Variants in OPA1 observed in about 807,000 individuals in gnomAD.
OPA1 encodes OPA1 mitochondrial dynamin like GTPase, also known as dynamin-like GTPase OPA1, mitochondrial.
Under a neutral mutation model 152.9 loss-of-function variants are expected in OPA1, and 59 were observed. That is an observed-to-expected ratio of 0.39 (90% CI 0.31 to 0.48). The LOEUF is 0.48. Ranked by LOEUF, OPA1 falls within the 20% of genes least tolerant of loss-of-function variation. The pLI is 0.96. For missense variants in OPA1, 1,008 were observed against 1,216.8 expected, an observed-to-expected ratio of 0.83 and a Z score of 2.55; for synonymous variants, 400 against 389.9, an observed-to-expected ratio of 1.03 and a Z score of -0.31.
chr3:193,619,025 T>C lies in OPA1; in HGVS notation c.678+89T>C, dbSNP rs1577169763. On this transcript the variant is annotated intron_variant, in intron 6 of 30. Transcript: ENST00000361510. ...TTTGGAAGATTTTAAAATGATAACA[T>C]CTGAGAAGCAAATACAAAAACATCC... 12 of 1,028,214 alleles carry C rather than the reference T, an allele frequency of 1.2e-5. No individual in the cohort carries two copies. The East Asian group carries it at 2.4e-4, about 21-fold the overall frequency. 63.7% of individuals were successfully genotyped at this position (1,028,214 alleles called of 1,614,324 possible).
chr3:193,676,492 A>T (rs1045376068), intron 29 of OPA1, among the ~76,000 whole-genome samples: 12 of 152,192 alleles, frequency 7.9e-5, no homozygotes, highest in Admixed American at 1.3e-4. Flanking sequence ...ACAAACAAAA[A>T]AACCTGAGTT....
intron 11 of OPA1, among the ~76,000 whole-genome samples, chr3:193,642,077 C>T (rs552126247): frequency 7.9e-5 from 12 of 152,352 alleles, no homozygotes; most frequent in East Asian, 7.7e-4. Flanking sequence ...GATCATGCCA[C>T]TGCACTTCAG....
intron 6 of OPA1, among the ~76,000 whole-genome samples, chr3:193,625,809 TA>T (rs1223046196): frequency 6.6e-6 from 1 of 152,128 alleles, no homozygotes; most frequent in East Asian, 1.9e-4. Flanking sequence ...TTTTTCTCCA[TA>T]TTTTTTATAT....
At chr3:193,692,183 A>G in intron 30 of OPA1, 51 bp downstream of exon 30, 1 of 946,526 alleles carries the variant, frequency 1.1e-6, no homozygotes. Context: ...ACAAAATTAC[A>G]CTTTTCTTAA....
At chr3:193,674,155 A>G (rs1248709825) in intron 29 of OPA1, among the ~76,000 whole-genome samples, 1 of 152,192 alleles carries the variant, frequency 6.6e-6, no homozygotes, top group East Asian at 1.9e-4. Context: ...TTCTCTTGGG[A>G]GTAGACAATG....
At chr3:193,641,154 T>C (rs1733727336) in intron 11 of OPA1, among the ~76,000 whole-genome samples, 2 of 152,236 alleles carry the variant, frequency 1.3e-5, no homozygotes, top group Admixed American at 1.3e-4. Context: ...ACATTGTTAC[T>C]AGCATCCTAA....
At chr3:193,659,729 A>T (rs975456680) in intron 25 of OPA1, among the ~76,000 whole-genome samples, 168 bp downstream of exon 25, 1 of 152,350 alleles carries the variant, frequency 6.6e-6, no homozygotes, top group Non-Finnish European at 1.5e-5. Flanking sequence ...AATAAACTAC[A>T]TAAGAAAGTT....
At position 193,688,449 on chromosome 3, in the gene OPA1, C is replaced by CTTTTTTTTTTTTTTTTTTTTTTT. The variant is rs766448341; in HGVS notation, c.2984-3589_2984-3567dup. Among the ~76,000 whole-genome samples, 8 of 63,358 alleles carry CTTTTTTTTTTTTTTTTTTTTTTT rather than the reference C, an allele frequency of 1.3e-4. 3 individuals carry two copies. Among genetic ancestry groups the CTTTTTTTTTTTTTTTTTTTTTTT allele is most frequent in the East Asian group, 1.1e-3 (2 of 1,750 alleles). The allele number at this position is 63,358 out of a possible 152,430, so 41.6% of individuals were successfully genotyped here. A position where few individuals can be genotyped will look rare whatever the true frequency, so the allele number is the denominator to read the frequency against. On this transcript the variant is annotated intron_variant, in intron 29 of 30. Transcript: ENST00000361510. The stretch of plus-strand genomic sequence containing the variant: ...TGATTTTTACTGAAATGGGTCTTTT[C>CTTTTTTTTTTTTTTTTTTTTTTT]TTTTTTTTTTTTTTTTTTTTTTTTT...
chr3:193,639,580 G>T (rs1053955667), intron 11 of OPA1, among the ~76,000 whole-genome samples: 3 of 152,182 alleles, frequency 2.0e-5, no homozygotes, highest in African/African-American at 7.2e-5. Context: ...GCTAGCCATG[G>T]TCGGGGCAAA....
chr3:193,660,701 ATTT>A, intron 25 of OPA1, among the ~76,000 whole-genome samples: 1 of 145,654 alleles, frequency 6.9e-6, no homozygotes, highest in Non-Finnish European at 1.5e-5. Context: ...TTTCTTTACT[ATTT>A]TTTTTTTTGG....
At chr3:193,641,964 A>G (rs1733843837) in intron 11 of OPA1, among the ~76,000 whole-genome samples, 1 of 152,148 alleles carries the variant, frequency 6.6e-6, no homozygotes, top group Admixed American at 6.5e-5. Context: ...AAAGTACAAA[A>G]AACTTGCCAG....
At chr3:193,619,039 A>G in intron 6 of OPA1, 103 bp downstream of exon 6, 3 of 897,988 alleles carry the variant, frequency 3.3e-6, no homozygotes, top group Non-Finnish European at 5.6e-6. Context: ...AGAAGCAAAT[A>G]CAAAAACATC....
Position 193,658,996 on chromosome 3 carries a change from G to A in OPA1, c.2440+1G>A. Reference sequence around the variant, plus strand: ...GCTCTGCAGGCTCGTCTCAAGGATAGTAAGTGGAGACACGGCTTATTGAGT... The same window carrying A: ...GCTCTGCAGGCTCGTCTCAAGGATAATAAGTGGAGACACGGCTTATTGAGT... On this transcript the variant is annotated splice_donor_variant, in intron 24 of 30. Coordinates refer to ENST00000361510, the MANE Select transcript of OPA1 (RefSeq NM_130837.3). LOFTEE classifies it high-confidence loss of function. 6.3e-7 allele frequency: 1 copy of A among 1,595,864 alleles called. No individual in the cohort carries two copies. The highest frequency in any genetic ancestry group is 8.6e-7 in the Non-Finnish European group (1 of 1,163,424).
At chr3:193,595,380 T>C (rs1725327093) in intron 1 of OPA1, among the ~76,000 whole-genome samples, 2 of 152,254 alleles carry the variant, frequency 1.3e-5, no homozygotes, top group Admixed American at 6.5e-5. Context: ...GGAAATGATA[T>C]ATTGATTAAA....
At position 193,654,935 on chromosome 3, in the gene OPA1, G is replaced by A; in HGVS notation, c.2086G>A (p.Ala696Thr). 6.2e-7 allele frequency: 1 copy of A among 1,613,952 alleles called. No individual in the cohort carries two copies. The highest frequency in any genetic ancestry group is 2.2e-5 in the East Asian group (1 of 44,830). Residue 696 changes from alanine to threonine, a missense_variant, in exon 22 of 31, where the codon GCG becomes ACG. Around this residue, in one of 7 missense-constraint regions of OPA1, gnomAD observed 229 missense variants for 269.0 expected, o/e 0.85. Coordinates refer to ENST00000361510, the MANE Select transcript of OPA1 (RefSeq NM_130837.3). ...GATTGAAAACATCTACCTTCCAGCT[G>A]CGCAGACCATGAATTCAGGAACTTT... ...HVIENIYLPA[A>T]QTMNSGTFNT...
chr3:193,599,851 G>A (rs909960810), intron 1 of OPA1, among the ~76,000 whole-genome samples: 4 of 152,184 alleles, frequency 2.6e-5, no homozygotes, highest in African/African-American at 7.2e-5. Context: ...GGGGTGCCTC[G>A]TGGTCAGAAC....
intron 16 of OPA1, 22 bp downstream of exon 16, chr3:193,644,127 C>A: frequency 6.2e-7 from 1 of 1,610,726 alleles, no homozygotes; most frequent in Non-Finnish European, 8.5e-7. Flanking sequence ...TTCTTTGTTG[C>A]GAGAATAGAT....
intron 1 of OPA1, chr3:193,614,002 T>A: frequency 1.9e-6 from 1 of 518,458 alleles, no homozygotes; most frequent in South Asian, 1.4e-5. Context: ...TGTATGCAAC[T>A]ATGAGTGTAT....
chr3:193,646,285 A>T (rs192283639), intron 18 of OPA1, among the ~76,000 whole-genome samples: 4 of 152,188 alleles, frequency 2.6e-5, no homozygotes, highest in Non-Finnish European at 5.9e-5. Context: ...ATAGAAAAGT[A>T]TGTTTGTTCC....
Sources: allele counts gnomAD v4.1 joint callset (sites outside exome capture counted in the v4.1 genomes callset), GRCh38; gene constraint gnomAD v4.1.1; regional missense constraint gnomAD v4.1.1; transcripts MANE v1.5; gene names NCBI Gene and HGNC (gene_info 2026-07-23, HGNC 2026-07-21).